The following ADAMTS6 variants were observed in gnomAD, a reference collection of about 807,000 sequenced individuals.
ADAMTS6 encodes the protein A disintegrin and metalloproteinase with thrombospondin motifs 6.
In ADAMTS6, 23 loss-of-function variants were observed where a neutral mutation model predicts 144.3. That is an observed-to-expected ratio of 0.16 (90% CI 0.11 to 0.23). ADAMTS6 has a LOEUF of 0.23. Ranked by LOEUF, ADAMTS6 falls within the 10% of genes least tolerant of loss-of-function variation. ADAMTS6 has a pLI of 1.00. For synonymous variants in ADAMTS6, 444 were observed against 457.5 expected (o/e 0.97, Z 0.38); for missense variants, 999 against 1,379.6 (o/e 0.72, Z 4.37).
chr5:65,344,314 T>C (rs190909305), intron 7 of ADAMTS6, among the ~76,000 whole-genome samples: 12 of 152,050 alleles, frequency 7.9e-5, no homozygotes, highest in Non-Finnish European at 2.9e-5. Flanking sequence ...GATAACAAAA[T>C]AACTTTCTCT....
chr5:65,436,967 C>T (rs1033636270), intron 7 of ADAMTS6, among the ~76,000 whole-genome samples: 1 of 151,960 alleles, frequency 6.6e-6, no homozygotes, highest in African/African-American at 2.4e-5. Context: ...GGGCAATTTA[C>T]AAAAGAAAGA....
intron 10 of ADAMTS6, among the ~76,000 whole-genome samples, chr5:65,292,903 AC>A (rs1742462615): frequency 6.6e-6 from 1 of 152,150 alleles, no homozygotes; most frequent in Non-Finnish European, 1.5e-5. Context: ...AGTTTTCATA[AC>A]AGAACACTTT....
chr5:65,430,056 TCA>T (rs1199019793), intron 7 of ADAMTS6, among the ~76,000 whole-genome samples: 4 of 152,228 alleles, frequency 2.6e-5, no homozygotes, highest in Admixed American at 6.5e-5. Context: ...GTAGATAATT[TCA>T]GTTATCATTA....
chr5:65,348,715 C>T (rs1230066754), intron 7 of ADAMTS6, among the ~76,000 whole-genome samples: 2 of 151,262 alleles, frequency 1.3e-5, no homozygotes, highest in Non-Finnish European at 2.9e-5. Context: ...TTTAATCATC[C>T]AGTAATGAAT....
chr5:65,262,654 C>A (rs1398815951), intron 13 of ADAMTS6, 163 bp downstream of exon 13: 2 of 648,494 alleles, frequency 3.1e-6, no homozygotes, highest in Non-Finnish European at 4.5e-6. Context: ...AGAAGAAAGT[C>A]TGTCTAACAA....
At chr5:65,313,013 T>C (rs1744648300) in intron 9 of ADAMTS6, among the ~76,000 whole-genome samples, 1 of 152,064 alleles carries the variant, frequency 6.6e-6, no homozygotes, top group African/African-American at 2.4e-5. Context: ...AGGACAATGG[T>C]GTCTGCCTAC....
intron 9 of ADAMTS6, among the ~76,000 whole-genome samples, chr5:65,323,025 T>C (rs1745775055): frequency 6.6e-6 from 1 of 152,168 alleles, no homozygotes; most frequent in East Asian, 1.9e-4. Flanking sequence ...TTAACCCATT[T>C]TATAAGACAA....
At chr5:65,366,997 A>T (rs532903897) in intron 7 of ADAMTS6, among the ~76,000 whole-genome samples, 1 of 152,138 alleles carries the variant, frequency 6.6e-6, no homozygotes, top group Admixed American at 6.5e-5. Flanking sequence ...GGGTGGGGAG[A>T]CTTTTTAAAT....
At chr5:65,407,284 C>A (rs1754606931) in intron 7 of ADAMTS6, among the ~76,000 whole-genome samples, 1 of 151,780 alleles carries the variant, frequency 6.6e-6, no homozygotes, top group Non-Finnish European at 1.5e-5. Flanking sequence ...AACAGCAGAT[C>A]TCTCGGCAGA....
intron 7 of ADAMTS6, among the ~76,000 whole-genome samples, chr5:65,437,359 G>T (rs1250720591): frequency 6.6e-6 from 1 of 152,076 alleles, no homozygotes; most frequent in Non-Finnish European, 1.5e-5. Context: ...CTCCCAAAGT[G>T]CTGGGATTAC....
intron 7 of ADAMTS6, among the ~76,000 whole-genome samples, chr5:65,376,547 A>C (rs1386300936): frequency 6.6e-6 from 1 of 152,174 alleles, no homozygotes; most frequent in Non-Finnish European, 1.5e-5. Context: ...AAACAGCTTT[A>C]CAGGCCCGGC....
At chr5:65,234,288 A>G (rs151300651) in intron 15 of ADAMTS6, among the ~76,000 whole-genome samples, 3 of 152,062 alleles carry the variant, frequency 2.0e-5, no homozygotes, top group Non-Finnish European at 4.4e-5. Context: ...AAGCGAGACT[A>G]TGTCAAACTA....
intron 20 of ADAMTS6, among the ~76,000 whole-genome samples, chr5:65,202,638 A>G (rs1755807920): frequency 6.6e-6 from 1 of 152,174 alleles, no homozygotes. Flanking sequence ...TTTTTAGTTT[A>G]TAGTTTCCCC....
At chr5:65,228,018 A>T (rs1335214869) in intron 15 of ADAMTS6, among the ~76,000 whole-genome samples, 3 of 152,146 alleles carry the variant, frequency 2.0e-5, no homozygotes, top group African/African-American at 7.2e-5. Context: ...TTAATGATTA[A>T]TTTTGCCATA....
intron 22 of ADAMTS6, among the ~76,000 whole-genome samples, chr5:65,177,854 G>A (rs545493709): frequency 1.3e-4 from 20 of 152,244 alleles, no homozygotes; most frequent in African/African-American, 4.6e-4. Context: ...TCCTCCAGTC[G>A]ACCAGGCGTG....
intron 9 of ADAMTS6, among the ~76,000 whole-genome samples, chr5:65,306,069 TG>T (rs1728331611): frequency 6.6e-6 from 1 of 152,230 alleles, no homozygotes; most frequent in African/African-American, 2.4e-5. Flanking sequence ...GCAAACTCAC[TG>T]CGTGTGCAGC....
chr5:65,345,303 A>G (rs1202813256), intron 7 of ADAMTS6, among the ~76,000 whole-genome samples: 1 of 151,784 alleles, frequency 6.6e-6, no homozygotes, highest in Non-Finnish European at 1.5e-5. Context: ...GAAACCACAA[A>G]AGATAAGAAA....
At chr5:65,203,031 T>C (rs1454496569) in intron 20 of ADAMTS6, among the ~76,000 whole-genome samples, 2 of 152,228 alleles carry the variant, frequency 1.3e-5, no homozygotes, top group African/African-American at 4.8e-5. Flanking sequence ...GTGTCTGCTT[T>C]TCCTCTGTAT....
At chr5:65,219,980 T>TA (rs1350302987) in intron 18 of ADAMTS6, among the ~76,000 whole-genome samples, 4 of 152,122 alleles carry the variant, frequency 2.6e-5, no homozygotes, top group Admixed American at 2.0e-4. Flanking sequence ...AATAAGAATA[T>TA]AAAAAATGTG....
Sources: gnomAD v4.1 joint callset for allele counts (sites outside exome capture counted in the v4.1 genomes callset) on GRCh38, gnomAD v4.1.1 for gene constraint, MANE v1.5 for transcripts, NCBI Gene and HGNC (gene_info 2026-07-23, HGNC 2026-07-21) for gene names.